The following G2E3 variants were observed in gnomAD, a reference collection of about 807,000 sequenced individuals.
G2E3 encodes the protein G2/M phase-specific E3 ubiquitin-protein ligase.
A neutral mutation model predicts 92.8 loss-of-function variants in G2E3; 35 were observed. That is an observed-to-expected ratio of 0.38 (90% confidence interval 0.29 to 0.50). The LOEUF is 0.50. Among genes scored for constraint, G2E3 ranks in the 20% least tolerant of loss-of-function variants. G2E3 has a pLI of 0.94. For missense variants in G2E3, 554 were observed against 823.8 expected, an observed-to-expected ratio of 0.67 and a Z score of 4.01; for synonymous variants, 242 against 272.4, an observed-to-expected ratio of 0.89 and a Z score of 1.10.
chr14:30,602,386 C>T (rs952478886), intron 10 of G2E3, among the ~76,000 whole-genome samples: 3 of 65,280 alleles, frequency 4.6e-5, no homozygotes, highest in South Asian at 4.3e-4. Context: ...CTGCATCATA[C>T]GTGGGAAAAG....
At chr14:30,586,997 T>C (rs1880746678) in intron 3 of G2E3, among the ~76,000 whole-genome samples, 182 bp downstream of exon 3, 1 of 152,178 alleles carries the variant, frequency 6.6e-6, no homozygotes, top group South Asian at 2.1e-4. Context: ...AGTTACTTAG[T>C]ACATACAAAG....
At chr14:30,589,902 G>A (rs1449915780) in intron 4 of G2E3, among the ~76,000 whole-genome samples, 1 of 152,036 alleles carries the variant, frequency 6.6e-6, no homozygotes, top group Non-Finnish European at 1.5e-5. Context: ...GTTGGGTTGA[G>A]TTAGAAATTA....
chr14:30,585,343 A>C (rs969878984), intron 2 of G2E3, among the ~76,000 whole-genome samples: 2 of 152,084 alleles, frequency 1.3e-5, no homozygotes, highest in African/African-American at 4.8e-5. Flanking sequence ...ATATGGTGTG[A>C]GGTAGGGGTT....
At chr14:30,580,329 C>G (rs1233071398) in intron 1 of G2E3, among the ~76,000 whole-genome samples, 1 of 152,138 alleles carries the variant, frequency 6.6e-6, no homozygotes, top group Non-Finnish European at 1.5e-5. Flanking sequence ...GCCTCAGCCT[C>G]CCGAGTAGCT....
chr14:30,612,208 T>C lies in G2E3; in HGVS notation c.1502T>C (p.Ile501Thr). Residue 501 changes from isoleucine (I) to threonine (T), a missense_variant and splice_region_variant, in exon 13 of 15, where the codon ATA becomes ACA. By Grantham distance (89) the Ile-to-Thr change is moderately conservative. This residue lies in a region of G2E3 where 397 missense variants were observed against 560.3 expected (regional missense o/e 0.71). Coordinates refer to ENST00000206595, the MANE Select transcript of G2E3 (RefSeq NM_017769.5). ...DFDVAQIIIRINTATTVADLK... is the reference protein window; with the variant it reads ...DFDVAQIIIRTNTATTVADLK... The stretch of plus-strand genomic sequence containing the variant: ...GCTGTATTTTCTCCTTCATTACAGA[T>C]AAATACTGCAACAACTGTAGCTGAC... 6.2e-7 allele frequency: 1 copy of C among 1,605,330 alleles called. No homozygotes were observed. The highest frequency in any genetic ancestry group is 8.5e-7 in the Non-Finnish European group (1 of 1,173,772).
At chr14:30,605,103 T>A (rs1159497691) in intron 10 of G2E3, among the ~76,000 whole-genome samples, 1 of 152,106 alleles carries the variant, frequency 6.6e-6, no homozygotes, top group African/African-American at 2.4e-5. Flanking sequence ...TCCCTGTGGG[T>A]CACACTGGTC....
At chr14:30,562,311 T>C (rs1363116027) in intron 1 of G2E3, among the ~76,000 whole-genome samples, 4 of 152,130 alleles carry the variant, frequency 2.6e-5, no homozygotes, top group Admixed American at 2.6e-4. Context: ...TAATCATTAG[T>C]TTGTAGCAAT....
chr14:30,589,208 A>C (rs1377652337), intron 3 of G2E3, among the ~76,000 whole-genome samples, 175 bp from the exon 4 acceptor site: 4 of 152,118 alleles, frequency 2.6e-5, no homozygotes, highest in Non-Finnish European at 5.9e-5. Context: ...ATCTAAATCA[A>C]ACAATGTAAG....
intron 12 of G2E3, among the ~76,000 whole-genome samples, chr14:30,608,736 T>C (rs528894531): frequency 5.3e-5 from 8 of 152,370 alleles, no homozygotes; most frequent in Admixed American, 4.6e-4. Flanking sequence ...ATGCAAGCCA[T>C]TTAACTTTTC....
chr14:30,588,096 G>C (rs1483730091), intron 3 of G2E3, among the ~76,000 whole-genome samples: 2 of 152,096 alleles, frequency 1.3e-5, no homozygotes, highest in Non-Finnish European at 2.9e-5. Flanking sequence ...TGGCCTGGGA[G>C]CTTATTTATA....
chr14:30,608,793 A>T (rs916857419), intron 12 of G2E3, among the ~76,000 whole-genome samples: 2 of 152,238 alleles, frequency 1.3e-5, no homozygotes, highest in African/African-American at 4.8e-5. Context: ...CATTGTCTCA[A>T]TTAACAGGCA....
At chr14:30,575,676 G>C (rs1159107597) in intron 1 of G2E3, among the ~76,000 whole-genome samples, 13 of 152,140 alleles carry the variant, frequency 8.5e-5, no homozygotes, top group Admixed American at 7.9e-4. Flanking sequence ...AAAGTTGCAG[G>C]ATGCAAAATC....
chr14:30,619,609 GA>G lies in G2E3; in HGVS notation c.*3079del, dbSNP rs1378444162. ...TGAATGTATATTATCTGTGGTTTAG[GA>G]AAATTTGGATTGTCTTGAAGAGACT... On this transcript the variant is annotated 3_prime_UTR_variant, in exon 15 of 15. Coordinates refer to ENST00000206595, the MANE Select transcript of G2E3 (RefSeq NM_017769.5). 1.3e-5 allele frequency: 2 copies of G among 152,070 alleles called. No individual in the cohort carries two copies. Among genetic ancestry groups the G allele is most frequent in the Non-Finnish European group, 2.9e-5 (2 of 67,988 alleles). The allele number at this position is 152,070 out of a possible 1,614,324, so 9.4% of individuals were successfully genotyped here.
chr14:30,568,595 T>G (rs909296110), intron 1 of G2E3, among the ~76,000 whole-genome samples: 15 of 152,140 alleles, frequency 9.9e-5, no homozygotes, highest in African/African-American at 3.6e-4. Flanking sequence ...TCTTGGGGAT[T>G]ACAATTAATA....
At position 30,616,594 on chromosome 14, in the gene G2E3, T is replaced by C. The variant is rs1402570575; in HGVS notation, c.*60T>C. ...AGCTGCTATTGATAACTCTCTTTTATTTCACTAACCTTTTCATCATCACTT... is the reference window on the plus strand; with the variant it reads ...AGCTGCTATTGATAACTCTCTTTTACTTCACTAACCTTTTCATCATCACTT... On this transcript the variant is annotated 3_prime_UTR_variant, in exon 15 of 15. Coordinates refer to ENST00000206595, the MANE Select transcript of G2E3 (RefSeq NM_017769.5). The C allele has an allele frequency of 4.8e-6, 6 of 1,237,840 alleles. No homozygotes were observed. The highest frequency in any genetic ancestry group is 6.9e-6 in the Non-Finnish European group (6 of 868,290). The allele number at this position is 1,237,840 out of a possible 1,614,324, so 76.7% of individuals were successfully genotyped here. A position where few individuals can be genotyped will look rare whatever the true frequency, so the allele number is the denominator to read the frequency against.
At chr14:30,606,060 AT>A (rs1881818248) in intron 11 of G2E3, among the ~76,000 whole-genome samples, 1 of 152,124 alleles carries the variant, frequency 6.6e-6, no homozygotes, top group South Asian at 2.1e-4. Context: ...AAAATAATCC[AT>A]AATTAAGTGT....
chr14:30,569,587 C>T (rs1393034668), intron 1 of G2E3, among the ~76,000 whole-genome samples: 1 of 152,044 alleles, frequency 6.6e-6, no homozygotes. Context: ...ACAGAATAGC[C>T]TTTATTGCCT....
chr14:30,561,975 TC>T (rs1258255311), intron 1 of G2E3, among the ~76,000 whole-genome samples: 1 of 152,126 alleles, frequency 6.6e-6, no homozygotes, highest in African/African-American at 2.4e-5. Context: ...AATTATAGGC[TC>T]AGAGGACATT....
intron 1 of G2E3, among the ~76,000 whole-genome samples, chr14:30,575,293 G>T (rs1880012952): frequency 6.6e-6 from 1 of 151,886 alleles, no homozygotes; most frequent in South Asian, 2.1e-4. Context: ...GTAAATTAAA[G>T]TTCCTTATAA....
Sources: gnomAD v4.1 joint callset for allele counts (sites outside exome capture counted in the v4.1 genomes callset) on GRCh38, gnomAD v4.1.1 for gene constraint, gnomAD v4.1.1 regional missense constraint, MANE v1.5 for transcripts, NCBI Gene and HGNC (gene_info 2026-07-23, HGNC 2026-07-21) for gene names.